Variants in MDFIC2 observed in about 807,000 individuals in gnomAD.
MDFIC2 encodes the protein MyoD family inhibitor domain containing 2, also known as myoD family inhibitor domain-containing protein 2.
At chr3:70,232,202 G>C (rs1701566059) in intron 2 of MDFIC2, among the ~76,000 whole-genome samples, 1 of 152,084 alleles carries the variant, frequency 6.6e-6, no homozygotes, top group African/African-American at 2.4e-5. Context: ...GCTCTGTGAG[G>C]GTGTGCACCA....
At chr3:70,235,623 C>T (rs1701599577) in intron 2 of MDFIC2, among the ~76,000 whole-genome samples, 1 of 152,150 alleles carries the variant, frequency 6.6e-6, no homozygotes, top group Non-Finnish European at 1.5e-5. Context: ...GGTTTTTCTC[C>T]TCTTTTAGAG....
intron 2 of MDFIC2, among the ~76,000 whole-genome samples, chr3:70,257,220 G>T (rs904962152): frequency 1.3e-5 from 2 of 152,134 alleles, no homozygotes; most frequent in Non-Finnish European, 1.5e-5. Context: ...GGTTTCTTTG[G>T]CAAACCCTTC....
chr3:70,289,168 A>G (rs1176691442), intron 2 of MDFIC2, among the ~76,000 whole-genome samples: 1 of 148,914 alleles, frequency 6.7e-6, no homozygotes, highest in Admixed American at 6.7e-5. Context: ...TGGTCTTTAC[A>G]TTTTGGCATG....
chr3:70,202,754 T>C (rs1030000233), intron 3 of MDFIC2, among the ~76,000 whole-genome samples: 3 of 152,126 alleles, frequency 2.0e-5, no homozygotes, highest in African/African-American at 7.2e-5. Context: ...ATGGAGGCTG[T>C]GATGAGCAAA....
At chr3:70,311,104 TAG>T (rs1182701852) in intron 2 of MDFIC2, among the ~76,000 whole-genome samples, 1 of 152,230 alleles carries the variant, frequency 6.6e-6, no homozygotes, top group Non-Finnish European at 1.5e-5. Context: ...ACATATTTAT[TAG>T]AGTTTCCTAC....
intron 2 of MDFIC2, among the ~76,000 whole-genome samples, chr3:70,224,780 A>G (rs1040048975): frequency 2.0e-5 from 3 of 152,048 alleles, no homozygotes; most frequent in Non-Finnish European, 4.4e-5. Context: ...TTTGCGCTCT[A>G]TTAAAACATT....
At chr3:70,244,188 G>C (rs901671199) in intron 2 of MDFIC2, among the ~76,000 whole-genome samples, 7 of 152,206 alleles carry the variant, frequency 4.6e-5, no homozygotes, top group East Asian at 1.9e-4. Context: ...AATTGCTGAG[G>C]ACCAATTTTA....
chr3:70,308,774 A>G (rs933564979), intron 2 of MDFIC2, among the ~76,000 whole-genome samples: 3 of 152,094 alleles, frequency 2.0e-5, no homozygotes, highest in Non-Finnish European at 4.4e-5. Flanking sequence ...TGAAGTCGAG[A>G]AGTTAGAAAT....
At chr3:70,284,577 A>AT (rs1268825798) in intron 2 of MDFIC2, among the ~76,000 whole-genome samples, 1 of 152,188 alleles carries the variant, frequency 6.6e-6, no homozygotes, top group African/African-American at 2.4e-5. Flanking sequence ...ATAAAAAAGA[A>AT]TAAGATCATG....
chr3:70,312,331 C>T (rs1702461217), intron 1 of MDFIC2, among the ~76,000 whole-genome samples: 1 of 152,134 alleles, frequency 6.6e-6, no homozygotes, highest in South Asian at 2.1e-4. Flanking sequence ...GAAAAGCATG[C>T]TGCAAAGTGG....
chr3:70,207,420 T>A (rs982458272), intron 2 of MDFIC2, among the ~76,000 whole-genome samples: 1 of 152,070 alleles, frequency 6.6e-6, no homozygotes, highest in Admixed American at 6.6e-5. Flanking sequence ...TATTTCCACA[T>A]AACTGTCTGG....
chr3:70,265,714 T>C (rs966580699), intron 2 of MDFIC2, among the ~76,000 whole-genome samples: 1 of 152,192 alleles, frequency 6.6e-6, no homozygotes, highest in Non-Finnish European at 1.5e-5. Flanking sequence ...GAATGGGCAA[T>C]TTACAAAGAA....
chr3:70,222,308 C>T (rs891656247), intron 2 of MDFIC2, among the ~76,000 whole-genome samples: 1 of 152,198 alleles, frequency 6.6e-6, no homozygotes, highest in Non-Finnish European at 1.5e-5. Context: ...TTTGGAAGTT[C>T]TTCTGTGTTA....
intron 2 of MDFIC2, among the ~76,000 whole-genome samples, chr3:70,224,348 A>G (rs1361035226): frequency 6.6e-6 from 1 of 152,184 alleles, no homozygotes; most frequent in Admixed American, 6.5e-5. Context: ...GCTGCAGCGG[A>G]TGGTGCAAAC....
intron 2 of MDFIC2, among the ~76,000 whole-genome samples, chr3:70,243,253 A>G (rs1316044676): frequency 6.6e-6 from 1 of 151,578 alleles, no homozygotes; most frequent in African/African-American, 2.4e-5. Context: ...TTTATTGGGG[A>G]TTTTTCAGCT....
chr3:70,277,643 T>C (rs978906714), intron 2 of MDFIC2, among the ~76,000 whole-genome samples: 1 of 152,202 alleles, frequency 6.6e-6, no homozygotes, highest in African/African-American at 2.4e-5. Flanking sequence ...GTTTATTTCT[T>C]CTAATGAAAG....
chr3:70,202,459 C>A (rs530892792), intron 3 of MDFIC2, among the ~76,000 whole-genome samples: 2 of 152,206 alleles, frequency 1.3e-5, no homozygotes, highest in East Asian at 3.9e-4. Context: ...GCTTACTGTT[C>A]ACTGTATTTG....
chr3:70,297,228 T>A (rs1702299874), intron 2 of MDFIC2, among the ~76,000 whole-genome samples: 1 of 152,132 alleles, frequency 6.6e-6, no homozygotes, highest in South Asian at 2.1e-4. Flanking sequence ...CTCTTGGTAA[T>A]TAGTTATTGT....
At chr3:70,206,161 T>C (rs181836445) in intron 3 of MDFIC2, among the ~76,000 whole-genome samples, 5 of 152,192 alleles carry the variant, frequency 3.3e-5, no homozygotes, top group African/African-American at 1.2e-4. Flanking sequence ...TCTTAATTTT[T>C]TATGCTGTCT....
Sources: allele counts gnomAD v4.1 joint callset (sites outside exome capture counted in the v4.1 genomes callset), GRCh38; gene constraint gnomAD v4.1.1; transcripts MANE v1.5; gene names NCBI Gene and HGNC (gene_info 2026-07-23, HGNC 2026-07-21).